Variants in ETFDH observed in about 807,000 individuals in gnomAD.
ETFDH encodes electron transfer flavoprotein-ubiquinone oxidoreductase, mitochondrial.
ETFDH carries 61 observed loss-of-function variants against 73.2 expected under a neutral mutation model. That is an observed-to-expected ratio of 0.83 (90% CI 0.68 to 1.03). The LOEUF (loss-of-function observed/expected upper bound fraction) is 1.03, where lower values mean the gene tolerates loss of function less well. Among genes scored for constraint, ETFDH ranks in the 50% least tolerant of loss-of-function variants. The pLI is 0.00. For synonymous variants in ETFDH, 243 were observed against 253.3 expected (o/e 0.96, Z 0.39); for missense variants, 685 against 745.0 (o/e 0.92, Z 0.94).
intron 1 of ETFDH, among the ~76,000 whole-genome samples, chr4:158,673,744 C>G (rs150288857): frequency 1.7e-4 from 26 of 152,308 alleles, no homozygotes; most frequent in African/African-American, 6.3e-4. Flanking sequence ...TAGATGCAAT[C>G]AGCCTTGGGC....
intron 6 of ETFDH, 117 bp from the exon 7 acceptor site, chr4:158,695,380 T>A: frequency 5.9e-6 from 4 of 679,360 alleles, no homozygotes; most frequent in Non-Finnish European, 1.0e-5. Context: ...CTTTATAATA[T>A]TATACATTTG....
chr4:158,693,041 T>C (rs947152921), intron 6 of ETFDH, among the ~76,000 whole-genome samples: 1 of 152,084 alleles, frequency 6.6e-6, no homozygotes, highest in African/African-American at 2.4e-5. Context: ...TTTTTAAAAA[T>C]AGTACTACCA....
Position 158,672,419 on chromosome 4 carries a change from C to T in ETFDH, c.-38C>T. On this transcript the variant is annotated 5_prime_UTR_variant, in exon 1 of 13. Coordinates refer to ENST00000511912, the MANE Select transcript of ETFDH (RefSeq NM_004453.4). ...CCCGCCGCGAGCAGCGGACAGTCCTCCTGTTGTGTCCGACCGAGAGTCCTG... is the reference window on the plus strand; with the variant it reads ...CCCGCCGCGAGCAGCGGACAGTCCTTCTGTTGTGTCCGACCGAGAGTCCTG... 2 of 1,612,836 alleles carry T rather than the reference C, an allele frequency of 1.2e-6. No individual in the cohort carries two copies. The highest frequency in any genetic ancestry group is 1.7e-6 in the Non-Finnish European group (2 of 1,178,854).
At chr4:158,697,457 C>T in intron 7 of ETFDH, 102 bp from the exon 8 acceptor site, 1 of 958,588 alleles carries the variant, frequency 1.0e-6, no homozygotes, top group Non-Finnish European at 1.6e-6. Context: ...TTGTAATTTT[C>T]ATAAATAAGA....
rs772755080 is a variant in ETFDH at position 158,697,632 on chromosome 4, A to G, written c.905A>G (p.His302Arg). Residue 302 changes from histidine to arginine, a missense_variant, in exon 8 of 13, where the codon CAT becomes CGT. Physicochemically the swap from His to Arg is conservative, Grantham distance 29. Around this residue, in one of 3 missense-constraint regions of ETFDH, gnomAD observed 405 missense variants for 399.3 expected, o/e 1.01. Coordinates refer to ENST00000511912, the MANE Select transcript of ETFDH (RefSeq NM_004453.4). ...DHTVGWPLDR[H>R]TYGGSFLYHL... ...ACTGTTGGTTGGCCCTTGGACAGAC[A>G]TACCTATGGAGGATCTTTCCTCTAT... 7 of 1,613,470 alleles carry G rather than the reference A, an allele frequency of 4.3e-6. No homozygotes were observed. Among genetic ancestry groups the G allele is most frequent in the Non-Finnish European group, 5.9e-6 (7 of 1,179,498 alleles).
At chr4:158,700,064 G>A (rs1347528264) in intron 9 of ETFDH, among the ~76,000 whole-genome samples, 1 of 152,010 alleles carries the variant, frequency 6.6e-6, no homozygotes, top group Non-Finnish European at 1.5e-5. Context: ...TAGGAATCTA[G>A]GACTATCTTA....
In ETFDH at chr4:158,706,325, T is replaced by C; in HGVS notation, c.1422T>C (p.Phe474=). 1 of 1,613,694 alleles carries C rather than the reference T, an allele frequency of 6.2e-7. No homozygotes were observed. Among genetic ancestry groups the C allele is most frequent in the Non-Finnish European group, 8.5e-7 (1 of 1,179,606 alleles). Residue 474 remains phenylalanine, a synonymous_variant, in exon 11 of 13, where the codon TTT becomes TTC. Transcript: ENST00000511912. ...VYGGMIYTGI[F]YWILRGMEPW... is the part of the protein sequence containing the mutation. The stretch of plus-strand genomic sequence containing the variant: ...GAGGGATGATTTACACTGGAATCTT[T>C]TACTGGATATTGAGAGGAATGGAGC...
In ETFDH at chr4:158,709,566, T is replaced by A. The variant is rs1774741745; in HGVS notation, c.*1039T>A. 3.9e-6 allele frequency: 2 copies of A among 516,618 alleles called. No homozygotes were observed. Among genetic ancestry groups the A allele is most frequent in the East Asian group, 3.3e-5 (1 of 30,720 alleles). The allele number at this position is 516,618 out of a possible 1,614,324, so 32.0% of individuals were successfully genotyped here. A position where few individuals can be genotyped will look rare whatever the true frequency, so the allele number is the denominator to read the frequency against. On this transcript the variant is annotated 3_prime_UTR_variant, in exon 13 of 13. Coordinates refer to ENST00000511912, the MANE Select transcript of ETFDH (RefSeq NM_004453.4). Reference sequence around the variant, plus strand: ...AACAAAACCACTTTACTTACTGTATTGTGACATGTTTATTAAGCATGAACC... The same window carrying A: ...AACAAAACCACTTTACTTACTGTATAGTGACATGTTTATTAAGCATGAACC...
In ETFDH at chr4:158,685,716, A is replaced by C. The variant is rs529158610; in HGVS notation, c.606+497A>C. ...ACAATAGACAGAGTAATAGGAGAAG[A>C]AGCATAGAGATTTATTTAACATGCA... On this transcript the variant is annotated intron_variant, in intron 5 of 12. Transcript: ENST00000511912. Among the ~76,000 whole-genome samples the C allele has an allele frequency of 2.3e-4, 35 of 152,322 alleles. No homozygotes were observed. The East Asian group carries it at 6.4e-3, about 28-fold the overall frequency.
intron 1 of ETFDH, among the ~76,000 whole-genome samples, chr4:158,676,547 G>A (rs1437577851): frequency 6.6e-6 from 1 of 152,166 alleles, no homozygotes; most frequent in African/African-American, 2.4e-5. Flanking sequence ...TCTGGGAAAG[G>A]GCTGTGATTG....
Position 158,706,264 on chromosome 4 carries a change from T to G in ETFDH, c.1361T>G (p.Ile454Arg). The G allele has an allele frequency of 1.2e-6, 2 of 1,612,336 alleles. No homozygotes were observed. The highest frequency in any genetic ancestry group is 1.7e-6 in the Non-Finnish European group (2 of 1,178,328). Residue 454 changes from isoleucine to arginine, a missense_variant, in exon 11 of 13, where the codon ATA (isoleucine) becomes AGA (arginine). Physicochemically the swap from Ile to Arg is moderately conservative, Grantham distance 97. This residue lies in a region of ETFDH where 201 missense variants were observed against 225.2 expected (regional missense o/e 0.89). Coordinates refer to ENST00000511912, the MANE Select transcript of ETFDH (RefSeq NM_004453.4). ...VWKELYSVRN[I>R]RPSCHGVLGV... ...AAAGAGCTATATTCTGTTAGAAATATAAGACCGTCCTGCCACGGAGTACTG... is the reference window on the plus strand; with the variant it reads ...AAAGAGCTATATTCTGTTAGAAATAGAAGACCGTCCTGCCACGGAGTACTG...
chr4:158,704,780 A>C (rs1335831722), intron 10 of ETFDH, among the ~76,000 whole-genome samples: 1 of 152,184 alleles, frequency 6.6e-6, no homozygotes, highest in African/African-American at 2.4e-5. Flanking sequence ...AGTTAGAGGT[A>C]TGTAACCAGG....
chr4:158,692,516 A>G (rs1322359846), intron 6 of ETFDH, among the ~76,000 whole-genome samples: 8 of 152,142 alleles, frequency 5.3e-5, no homozygotes, highest in Non-Finnish European at 1.0e-4. Flanking sequence ...TCCTGCAGTA[A>G]GGCCTAAGAA....
chr4:158,703,562 C>G lies in ETFDH; in HGVS notation c.1256C>G (p.Thr419Ser). 1 of 1,607,422 alleles carries G rather than the reference C, an allele frequency of 6.2e-7. No homozygotes were observed. Among genetic ancestry groups the G allele is most frequent in the Non-Finnish European group, 8.5e-7 (1 of 1,174,144 alleles). The change falls in exon 10 of 13, where the codon ACT becomes AGT. Residue 419 changes from threonine to serine, a missense_variant. Transcript: ENST00000511912. ...GCAGAATCTATTTTTAATCAACTAACTAGTGAAAATCTCCAATCAAAGACA... is the reference window on the plus strand; with the variant it reads ...GCAGAATCTATTTTTAATCAACTAAGTAGTGAAAATCTCCAATCAAAGACA... ...LAAESIFNQL[T>S]SENLQSKTIG...
intron 5 of ETFDH, among the ~76,000 whole-genome samples, chr4:158,685,560 A>C (rs2150306794): frequency 6.6e-6 from 1 of 152,222 alleles, no homozygotes; most frequent in East Asian, 1.9e-4. Flanking sequence ...TTCTAATTAT[A>C]ATTATTCCCT....
chr4:158,697,747 A>G, intron 8 of ETFDH, 48 bp downstream of exon 8: 1 of 1,512,702 alleles, frequency 6.6e-7, no homozygotes, highest in Non-Finnish European at 9.2e-7. Context: ...GAGTTATATT[A>G]CCATCAGTGT....
At chr4:158,690,518 A>C (rs1488774751) in intron 6 of ETFDH, 93 bp downstream of exon 6, 2 of 846,236 alleles carry the variant, frequency 2.4e-6, no homozygotes, top group African/African-American at 3.3e-5. Context: ...TCTCCAAAAA[A>C]AGAAAACAAA....
intron 9 of ETFDH, among the ~76,000 whole-genome samples, chr4:158,701,372 C>T (rs559265619): frequency 2.9e-4 from 44 of 152,278 alleles, no homozygotes; most frequent in African/African-American, 1.0e-3. Context: ...CAGATAGCAC[C>T]TCCTCCCCAT....
At chr4:158,690,217 A>C in intron 5 of ETFDH, 131 bp from the exon 6 acceptor site, 1 of 657,218 alleles carries the variant, frequency 1.5e-6, no homozygotes, top group Non-Finnish European at 2.7e-6. Context: ...TTACCTGAAC[A>C]TTTTAAACTC....
Sources: gnomAD v4.1 joint callset for allele counts (sites outside exome capture counted in the v4.1 genomes callset) on GRCh38, gnomAD v4.1.1 for gene constraint, gnomAD v4.1.1 regional missense constraint, MANE v1.5 for transcripts, NCBI Gene and HGNC (gene_info 2026-07-23, HGNC 2026-07-21) for gene names.